The following DNAH5 variants were observed in gnomAD, a reference collection of about 807,000 sequenced individuals.
DNAH5 encodes axonemal beta dynein heavy chain 5.
Under a neutral mutation model 518.2 loss-of-function variants are expected in DNAH5, and 372 were observed. The observed-to-expected ratio is 0.72, with a 90% CI of 0.66 to 0.78. DNAH5 has a LOEUF of 0.78. DNAH5 is among the 30% of genes least tolerant of loss of function. DNAH5 has a pLI of 0.00. For missense variants in DNAH5, 5,523 were observed against 5,687.0 expected (o/e 0.97, Z 0.93); for synonymous variants, 2,039 against 2,025.9 (o/e 1.01, Z -0.17).
intron 77 of DNAH5, 100 bp from the exon 78 acceptor site, chr5:13,700,971 G>A (rs1022423581): frequency 4.0e-6 from 5 of 1,244,716 alleles, no homozygotes; most frequent in East Asian, 2.3e-5. Flanking sequence ...ACTCTAACTC[G>A]AAGGACGTAC....
intron 1 of DNAH5, among the ~76,000 whole-genome samples, chr5:14,002,908 TAAGAACAAAATCATTTTA>T (rs1476816329): frequency 6.6e-6 from 1 of 152,062 alleles, no homozygotes; most frequent in African/African-American, 2.4e-5. Flanking sequence ...GTTGTGCTTA[TAAGAACAAAATCATTTTA>T]AAGAACAAAA....
At position 13,788,794 on chromosome 5, in the gene DNAH5, C is replaced by T; in HGVS notation, c.8569G>A (p.Glu2857Lys). The T allele has an allele frequency of 6.2e-7, 1 of 1,614,118 alleles. No homozygotes were observed. The highest frequency in any genetic ancestry group is 8.5e-7 in the Non-Finnish European group (1 of 1,179,990). Reference sequence around the variant, plus strand: ...CAATCCACCAAGAGTTTTTTCTCTTCACCAAACTCCTCCTCTACCAAACTT... The same window carrying T: ...CAATCCACCAAGAGTTTTTTCTCTTTACCAAACTCCTCCTCTACCAAACTT... Reference protein sequence around the residue: ...LVSLVEEEFGEEKKLLVDCGI... With the variant: ...LVSLVEEEFGKEKKLLVDCGI... Residue 2857 changes from glutamate (E) to lysine (K), a missense_variant, in exon 51 of 79, where the codon GAA becomes AAA. Around this residue, in one of 3 missense-constraint regions of DNAH5, gnomAD observed 5,121 missense variants for 5,223.3 expected, o/e 0.98. Coordinates refer to ENST00000265104, the MANE Select transcript of DNAH5 (RefSeq NM_001369.3).
At chr5:13,825,439 G>A (rs1280618160) in intron 38 of DNAH5, among the ~76,000 whole-genome samples, 1 of 152,130 alleles carries the variant, frequency 6.6e-6, no homozygotes, top group Non-Finnish European at 1.5e-5. Flanking sequence ...ATTCATGATA[G>A]CCAAGAGGTG....
intron 65 of DNAH5, among the ~76,000 whole-genome samples, chr5:13,747,576 A>G (rs1287864935): frequency 6.6e-6 from 1 of 152,208 alleles, no homozygotes; most frequent in Non-Finnish European, 1.5e-5. Context: ...AATGATCGCC[A>G]TTCTAACTGG....
Position 13,841,849 on chromosome 5 carries a change from T to A in DNAH5, c.5327A>T (p.Asp1776Val). 6.3e-7 allele frequency: 1 copy of A among 1,599,814 alleles called. No homozygotes were observed. The highest frequency in any genetic ancestry group is 1.1e-5 in the South Asian group (1 of 90,640). Reference protein sequence around the residue: ...SSQEGETIELDKPVMAEGNVE... With the variant: ...SSQEGETIELVKPVMAEGNVE... ...ATTGCCCTCTGCCATGACAGGTTTATCCAATTCAATCGTCTCACCCTCTTG... is the reference window on the plus strand; with the variant it reads ...ATTGCCCTCTGCCATGACAGGTTTAACCAATTCAATCGTCTCACCCTCTTG... Residue 1776 changes from aspartate to valine, a missense_variant, in exon 33 of 79, where the codon GAT becomes GTT. Coordinates refer to ENST00000265104, the MANE Select transcript of DNAH5 (RefSeq NM_001369.3).
At chr5:13,910,532 T>C (rs1285397281) in intron 12 of DNAH5, among the ~76,000 whole-genome samples, 2 of 152,108 alleles carry the variant, frequency 1.3e-5, no homozygotes, top group East Asian at 1.9e-4. Context: ...AAAGAAGAAA[T>C]AGAGTGGCTA....
intron 52 of DNAH5, 134 bp from the exon 53 acceptor site, chr5:13,781,093 C>T (rs1755056345): frequency 1.9e-6 from 2 of 1,043,550 alleles, no homozygotes; most frequent in Non-Finnish European, 1.4e-6. Flanking sequence ...ACTGGAGACA[C>T]ACTGGTTGAA....
chr5:13,957,608 A>T (rs1434597130), intron 1 of DNAH5, among the ~76,000 whole-genome samples: 1 of 151,834 alleles, frequency 6.6e-6, no homozygotes, highest in Non-Finnish European at 1.5e-5. Context: ...TACTGTGTGG[A>T]AGATGGTACA....
In DNAH5 at chr5:13,859,434, TAAAG is replaced by T. The variant is rs775812995; in HGVS notation, c.4950+14_4950+17del. 6.2e-7 allele frequency: 1 copy of T among 1,613,728 alleles called. No homozygotes were observed. Among genetic ancestry groups the T allele is most frequent in the African/African-American group, 1.3e-5 (1 of 74,890 alleles). ...TTCTCTGAAAAATCTGATGAAATCA[TAAAG>T]AAGATTACAAAACCTTGGGCAGCTG... On this transcript the variant is annotated intron_variant, in intron 30 of 78. Coordinates refer to ENST00000265104, the MANE Select transcript of DNAH5 (RefSeq NM_001369.3).
At chr5:13,989,751 C>T (rs531074346) in intron 1 of DNAH5, among the ~76,000 whole-genome samples, 1 of 151,838 alleles carries the variant, frequency 6.6e-6, no homozygotes. Flanking sequence ...CCAAAGTGCT[C>T]GGATTACAGT....
chr5:13,954,836 C>T (rs1287845126), intron 1 of DNAH5, among the ~76,000 whole-genome samples: 1 of 152,198 alleles, frequency 6.6e-6, no homozygotes, highest in Non-Finnish European at 1.5e-5. Flanking sequence ...GACTCTTTCT[C>T]TTTTAACCTC....
chr5:13,864,923 T>C (rs1768999305), intron 27 of DNAH5, among the ~76,000 whole-genome samples: 1 of 151,918 alleles, frequency 6.6e-6, no homozygotes, highest in Non-Finnish European at 1.5e-5. Context: ...AATTCAATTC[T>C]ACAAACATGT....
chr5:13,964,956 T>G (rs980193925), intron 1 of DNAH5, among the ~76,000 whole-genome samples: 15 of 152,222 alleles, frequency 9.9e-5, no homozygotes, highest in African/African-American at 3.6e-4. Context: ...ACATACCATG[T>G]GTCTCCCAAT....
At chr5:13,948,619 C>T (rs1391834499), upstream of DNAH5, among the ~76,000 whole-genome samples, 1 of 152,112 alleles carries the variant, frequency 6.6e-6, no homozygotes, top group Non-Finnish European at 1.5e-5. Flanking sequence ...CCGTCTTGTG[C>T]TGCAATTTTA....
chr5:14,009,546 A>G (rs1029063972), intron 1 of DNAH5, among the ~76,000 whole-genome samples: 4 of 152,242 alleles, frequency 2.6e-5, no homozygotes, highest in Non-Finnish European at 5.9e-5. Context: ...CAGAATGCAT[A>G]ATCAATTATT....
At chr5:13,993,139 C>A (rs116145408) in intron 1 of DNAH5, among the ~76,000 whole-genome samples, 1 of 152,124 alleles carries the variant, frequency 6.6e-6, no homozygotes, top group African/African-American at 2.4e-5. Context: ...TTTTCCTTAG[C>A]GATGCCCGTC....
intron 30 of DNAH5, among the ~76,000 whole-genome samples, chr5:13,857,974 C>T (rs541662491): frequency 2.6e-5 from 4 of 152,206 alleles, no homozygotes; most frequent in South Asian, 2.1e-4. Context: ...GACTAAAACA[C>T]CAAAAGCAAT....
rs565221815 is a variant in DNAH5, at chr5:13,914,557, A to G, written c.1283T>C (p.Val428Ala). The change falls in exon 10 of 79, where the codon GTT (valine) becomes GCT (alanine). Residue 428 changes from valine to alanine, a missense_variant. By Grantham distance (64) the Val-to-Ala change is moderately conservative (BLOSUM62 0). This residue lies in a region of DNAH5 where 5,121 missense variants were observed against 5,223.3 expected (regional missense o/e 0.98). Coordinates refer to ENST00000265104, the MANE Select transcript of DNAH5 (RefSeq NM_001369.3). Reference sequence around the variant, plus strand: ...AATCGCAGATAGTATTTTTTCTTCAACAACATCCTGTGGCTGGTTCCAGAT... The same window carrying G: ...AATCGCAGATAGTATTTTTTCTTCAGCAACATCCTGTGGCTGGTTCCAGAT... ...ASIWNQPQDVVEEKILSAIKL... is the reference protein window; with the variant it reads ...ASIWNQPQDVAEEKILSAIKL... 2.5e-6 allele frequency: 4 copies of G among 1,613,428 alleles called. No individual in the cohort carries two copies. Among genetic ancestry groups the G allele is most frequent in the East Asian group, 2.2e-5 (1 of 44,844 alleles).
In DNAH5 at chr5:13,799,078, T is replaced by C. The variant is rs553549875; in HGVS notation, c.7888-5020A>G. Among the ~76,000 whole-genome samples, 40 of 152,194 alleles carry C rather than the reference T, an allele frequency of 2.6e-4. 1 individual carries two copies. In the South Asian group the frequency reaches 8.1e-3, roughly 31 times the overall value. On this transcript the variant is annotated intron_variant, in intron 47 of 78. Transcript: ENST00000265104. ...ACTGTGCCTGGCCTCATCATTTTAA[T>C]GAATAATAGCAAGCAATGTGAAAAT...
Sources: gnomAD v4.1 joint callset for allele counts (sites outside exome capture counted in the v4.1 genomes callset) on GRCh38, gnomAD v4.1.1 for gene constraint, gnomAD v4.1.1 regional missense constraint, MANE v1.5 for transcripts, NCBI Gene and HGNC (gene_info 2026-07-23, HGNC 2026-07-21) for gene names.